The following KANK1 variants were observed in gnomAD, a reference collection of about 807,000 sequenced individuals.
The protein encoded by KANK1 is KN motif and ankyrin repeat domain-containing protein 1.
Under a neutral mutation model 106.2 loss-of-function variants are expected in KANK1, and 109 were observed. That is an observed-to-expected ratio of 1.03 (90% CI 0.88 to 1.20). KANK1 has a LOEUF of 1.20. KANK1 is among the 50% of genes most tolerant of loss of function. The pLI, the probability that KANK1 is intolerant of heterozygous loss-of-function variation, is 0.00. For missense variants in KANK1, 2,399 were observed against 1,710.7 expected (o/e 1.40, Z -7.10); for synonymous variants, 873 against 652.2 (o/e 1.34, Z -5.16).
intron 2 of KANK1, among the ~76,000 whole-genome samples, chr9:710,296 G>C (rs1825583683): frequency 6.6e-6 from 1 of 152,144 alleles, no homozygotes; most frequent in African/African-American, 2.4e-5. Context: ...TACTCAGGGA[G>C]AAACTGAAGT....
intron 7 of KANK1, among the ~76,000 whole-genome samples, chr9:735,097 G>T (rs1833419308): frequency 6.6e-6 from 1 of 152,192 alleles, no homozygotes; most frequent in Admixed American, 6.5e-5. Context: ...GCGTACACTT[G>T]CAGACAGAAA....
At chr9:688,964 C>T (rs1383556362) in intron 2 of KANK1, among the ~76,000 whole-genome samples, 5 of 152,170 alleles carry the variant, frequency 3.3e-5, no homozygotes, top group African/African-American at 1.2e-4. Context: ...CTCTACAGAC[C>T]TCACCTCTTT....
chr9:520,464 C>T (rs1458307749), intron 1 of KANK1, among the ~76,000 whole-genome samples: 1 of 151,738 alleles, frequency 6.6e-6, no homozygotes, highest in Non-Finnish European at 1.5e-5. Context: ...GGCCTGCCAG[C>T]AATGTGGTAG....
At chr9:706,063 A>G (rs1824070266) in intron 2 of KANK1, among the ~76,000 whole-genome samples, 1 of 152,214 alleles carries the variant, frequency 6.6e-6, no homozygotes, top group Non-Finnish European at 1.5e-5. Flanking sequence ...AAAACAGGAT[A>G]TTAAAAAAAT....
intron 1 of KANK1, among the ~76,000 whole-genome samples, chr9:630,019 A>G (rs1339921090): frequency 6.8e-6 from 1 of 147,482 alleles, no homozygotes; most frequent in African/African-American, 2.5e-5. Flanking sequence ...AGGCTGAGAA[A>G]GGCCGATCAC....
intron 3 of KANK1, among the ~76,000 whole-genome samples, chr9:496,441 C>T (rs187350502): frequency 9.9e-4 from 150 of 152,174 alleles, no homozygotes; most frequent in African/African-American, 3.6e-3. Flanking sequence ...CTGTATGTGC[C>T]AGCTACTCGG....
intron 1 of KANK1, among the ~76,000 whole-genome samples, chr9:640,258 C>G (rs185136714): frequency 2.0e-5 from 3 of 152,162 alleles, no homozygotes; most frequent in Admixed American, 6.5e-5. Context: ...TTTTATATTT[C>G]TGAGACAGAG....
intron 2 of KANK1, among the ~76,000 whole-genome samples, chr9:690,106 G>A (rs1480255109): frequency 4.0e-5 from 5 of 125,852 alleles, no homozygotes; most frequent in Non-Finnish European, 8.3e-5. Flanking sequence ...TGGCCAACAT[G>A]GTGAAACCCC....
intron 1 of KANK1, among the ~76,000 whole-genome samples, chr9:583,747 C>T (rs1822758615): frequency 6.6e-6 from 1 of 150,436 alleles, no homozygotes; most frequent in Non-Finnish European, 1.5e-5. Context: ...TATTAATATC[C>T]TGGATATATG....
intron 2 of KANK1, chr9:681,106 C>G (rs1385948783): frequency 6.6e-6 from 1 of 152,386 alleles, no homozygotes; most frequent in Non-Finnish European, 1.5e-5. Flanking sequence ...GTAGTCCCAG[C>G]TACTCAGGAG....
At chr9:529,699 G>C (rs1410290447) in intron 1 of KANK1, among the ~76,000 whole-genome samples, 1 of 152,068 alleles carries the variant, frequency 6.6e-6, no homozygotes, top group Non-Finnish European at 1.5e-5. Flanking sequence ...TCCATATTTT[G>C]TTTAATCAGT....
chr9:706,562 A>G (rs1013685822), intron 2 of KANK1, among the ~76,000 whole-genome samples: 3 of 107,738 alleles, frequency 2.8e-5, no homozygotes, highest in African/African-American at 6.8e-5. Flanking sequence ...AATTATCTGT[A>G]TGTGGCTTTT....
intron 1 of KANK1, among the ~76,000 whole-genome samples, chr9:634,208 G>T (rs543790290): frequency 1.3e-3 from 197 of 152,286 alleles, no homozygotes; most frequent in African/African-American, 4.4e-3. Flanking sequence ...AGAGAGTTAG[G>T]GCTCTTCAAG....
chr9:508,165 T>G (rs2058859249), intron 1 of KANK1, among the ~76,000 whole-genome samples: 2 of 132,410 alleles, frequency 1.5e-5, no homozygotes, highest in African/African-American at 5.6e-5. Flanking sequence ...TGAGATGGAG[T>G]TTCTTTCTTG....
intron 2 of KANK1, among the ~76,000 whole-genome samples, chr9:681,918 A>T (rs534649369): frequency 4.6e-5 from 7 of 151,990 alleles, no homozygotes; most frequent in Non-Finnish European, 1.0e-4. Flanking sequence ...CTTTTTTTGC[A>T]GCCTGGATAT....
At chr9:528,459 T>TA (rs1243056958) in intron 1 of KANK1, among the ~76,000 whole-genome samples, 44 of 146,422 alleles carry the variant, frequency 3.0e-4, no homozygotes, top group Non-Finnish European at 5.7e-4. Context: ...TTTACTGAAT[T>TA]AAAAAATAAC....
intron 3 of KANK1, among the ~76,000 whole-genome samples, chr9:474,349 A>G (rs933243884): frequency 2.0e-5 from 3 of 152,362 alleles, no homozygotes; most frequent in Non-Finnish European, 2.9e-5. Flanking sequence ...CTGAAGTTCA[A>G]TGCCTTGTCC....
intron 1 of KANK1, among the ~76,000 whole-genome samples, chr9:661,837 T>C (rs1265501337): frequency 2.6e-5 from 4 of 151,530 alleles, no homozygotes; most frequent in Non-Finnish European, 4.4e-5. Context: ...TGAGATGGTA[T>C]CTCATTGTGG....
chr9:518,355 T>G (rs370473536), intron 1 of KANK1, among the ~76,000 whole-genome samples: 1 of 151,372 alleles, frequency 6.6e-6, no homozygotes, highest in Admixed American at 6.6e-5. Context: ...CCAGGCTGGG[T>G]TGTGTCATCC....
Sources: gnomAD v4.1 joint callset for allele counts (sites outside exome capture counted in the v4.1 genomes callset) on GRCh38, gnomAD v4.1.1 for gene constraint, MANE v1.5 for transcripts, NCBI Gene and HGNC (gene_info 2026-07-23, HGNC 2026-07-21) for gene names.